STK4: variants seen among roughly 807,000 people sequenced by gnomAD.
The protein encoded by STK4 is serine/threonine-protein kinase 4.
In STK4, 30 loss-of-function variants were observed where a neutral mutation model predicts 64.9. The ratio of observed to expected loss-of-function variants is 0.46; its 90% CI spans 0.35 to 0.63. The LOEUF is 0.63. Among genes scored for constraint, STK4 ranks in the 20% least tolerant of loss-of-function variants. The pLI, the probability that STK4 is intolerant of heterozygous loss-of-function variation, is 0.01. For synonymous variants in STK4, 177 were observed against 199.0 expected (o/e 0.89, Z 0.93); for missense variants, 466 against 598.5 (o/e 0.78, Z 2.31).
chr20:45,019,046 G>A (rs1242122224), intron 9 of STK4, among the ~76,000 whole-genome samples: 1 of 152,092 alleles, frequency 6.6e-6, no homozygotes, highest in East Asian at 1.9e-4. Flanking sequence ...TTTTTAAATT[G>A]AGATATAATT....
Position 44,997,018 on chromosome 20 carries a change from G to A in STK4, c.694-151G>A, listed in dbSNP as rs1215206092. On this transcript the variant is annotated intron_variant, in intron 6 of 10. Transcript: ENST00000372806. Reference sequence around the variant, plus strand: ...ATATCAGGTTCTTTAACCATCAGATGCTTAGACTTTTGTTGGAATTTGGGT... The same window carrying A: ...ATATCAGGTTCTTTAACCATCAGATACTTAGACTTTTGTTGGAATTTGGGT... The A allele has an allele frequency of 3.9e-6, 4 of 1,033,040 alleles. No homozygotes were observed. The African/African-American group carries it at 6.5e-5, about 17-fold the overall frequency. 64.0% of individuals were successfully genotyped at this position (1,033,040 alleles called of 1,614,324 possible).
At chr20:45,007,380 A>G (rs1035127059) in intron 9 of STK4, among the ~76,000 whole-genome samples, 2 of 152,066 alleles carry the variant, frequency 1.3e-5, no homozygotes, top group Non-Finnish European at 2.9e-5. Flanking sequence ...GTGAAACCCC[A>G]TCTTAAGAAT....
chr20:45,013,647 G>T (rs2068091737), intron 9 of STK4, among the ~76,000 whole-genome samples: 1 of 152,066 alleles, frequency 6.6e-6, no homozygotes. Flanking sequence ...TTGAGACATT[G>T]TGGCCTAACA....
chr20:45,033,738 C>T (rs938080275), intron 10 of STK4, among the ~76,000 whole-genome samples: 1 of 152,110 alleles, frequency 6.6e-6, no homozygotes, highest in African/African-American at 2.4e-5. Context: ...TGCTACTCTA[C>T]CTGGCTAATT....
intron 10 of STK4, among the ~76,000 whole-genome samples, chr20:45,031,024 A>G (rs1225119521): frequency 6.6e-6 from 1 of 152,026 alleles, no homozygotes; most frequent in Non-Finnish European, 1.5e-5. Flanking sequence ...GTGAGACCCC[A>G]TCTCTATTAC....
chr20:44,979,090 C>T (rs1212173600), intron 3 of STK4, among the ~76,000 whole-genome samples: 1 of 152,114 alleles, frequency 6.6e-6, no homozygotes, highest in African/African-American at 2.4e-5. Flanking sequence ...AGGAGTGAGC[C>T]ACCATACCTG....
chr20:45,046,931 C>T (rs570734395), intron 10 of STK4, among the ~76,000 whole-genome samples: 7 of 152,228 alleles, frequency 4.6e-5, no homozygotes, highest in Admixed American at 3.9e-4. Context: ...CTGCCCGCCT[C>T]GGCCTCCCAA....
chr20:44,988,521 ATATGTGTGTGTG>A (rs1175602460), intron 5 of STK4, among the ~76,000 whole-genome samples: 1 of 83,144 alleles, frequency 1.2e-5, no homozygotes, highest in Admixed American at 1.2e-4. Context: ...GTGTGTATAT[ATATGTGTGTGTG>A]TATATATATA....
At chr20:45,072,423 C>A (rs1980148562) in intron 10 of STK4, among the ~76,000 whole-genome samples, 1 of 152,202 alleles carries the variant, frequency 6.6e-6, no homozygotes, top group South Asian at 2.1e-4. Context: ...AGCTCCCCTT[C>A]TTTCACACTA....
chr20:45,032,634 G>A (rs1054535196), intron 10 of STK4, among the ~76,000 whole-genome samples: 14 of 152,178 alleles, frequency 9.2e-5, no homozygotes, highest in Admixed American at 3.9e-4. Flanking sequence ...AGTATACCAT[G>A]TCAACATGTA....
rs1245653094 is a variant in STK4 at position 45,043,086 on chromosome 20, A to G, written c.1305+17956A>G. Among the ~76,000 whole-genome samples, 3 of 151,980 alleles carry G rather than the reference A, an allele frequency of 2.0e-5. No homozygotes were observed. In the East Asian group the frequency reaches 5.8e-4, roughly 29 times the overall value. On this transcript the variant is annotated intron_variant, in intron 10 of 10. Transcript: ENST00000372806. ...TGTTCTTATCATTCAGCTCCCACTT[A>G]TAAGTGAGAACATGCAGCATTTTTT... is the stretch of plus-strand genomic sequence containing the variant.
Position 45,024,955 on chromosome 20 carries a change from A to AT in STK4, c.1148-13dup. The stretch of plus-strand genomic sequence containing the variant: ...TTTAGAATGTTTCTTTTCATTTTTC[A>AT]TTTTTCTTTGTTTTCAGGAAGGGAT... On this transcript the variant is annotated splice_polypyrimidine_tract_variant and intron_variant, in intron 9 of 10. Coordinates refer to ENST00000372806, the MANE Select transcript of STK4 (RefSeq NM_006282.5). 6.5e-7 allele frequency: 1 copy of AT among 1,539,476 alleles called. No individual in the cohort carries two copies. Among genetic ancestry groups the AT allele is most frequent in the African/African-American group, 1.4e-5 (1 of 71,454 alleles).
At chr20:45,052,568 G>A (rs574641845) in intron 10 of STK4, among the ~76,000 whole-genome samples, 11 of 152,222 alleles carry the variant, frequency 7.2e-5, no homozygotes, top group East Asian at 1.9e-4. Flanking sequence ...TTTTCAGGTC[G>A]TTCTAATATA....
chr20:44,973,939 A>G (rs151124934), intron 2 of STK4, among the ~76,000 whole-genome samples: 2 of 152,358 alleles, frequency 1.3e-5, no homozygotes, highest in African/African-American at 4.8e-5. Context: ...AAGTATTTTT[A>G]GGTGTTGTTA....
intron 2 of STK4, among the ~76,000 whole-genome samples, chr20:44,973,765 G>GATA (rs2067292345): frequency 6.6e-6 from 1 of 152,176 alleles, no homozygotes; most frequent in African/African-American, 2.4e-5. Flanking sequence ...GTAAAGTTGG[G>GATA]ATAATAATAT....
Position 44,987,268 on chromosome 20 carries a change from C to G in STK4, c.497C>G (p.Ala166Gly). Residue 166 changes from alanine (A) to glycine (G), a missense_variant, in exon 5 of 11, where the codon GCA becomes GGA. Physicochemically the swap from Ala to Gly is moderately conservative, Grantham distance 60 (BLOSUM62 0). Around this residue, in one of 2 missense-constraint regions of STK4, gnomAD observed 190 missense variants for 289.7 expected, o/e 0.66. Coordinates refer to ENST00000372806, the MANE Select transcript of STK4 (RefSeq NM_006282.5). ...LLNTEGHAKL[A>G]DFGVAGQLTD... is the part of the protein sequence containing the mutation. Reference sequence around the variant, plus strand: ...AATACAGAAGGACATGCAAAACTTGCAGATTTTGGGGTAGCAGGTCAACTT... The same window carrying G: ...AATACAGAAGGACATGCAAAACTTGGAGATTTTGGGGTAGCAGGTCAACTT... 1 of 1,608,774 alleles carries G rather than the reference C, an allele frequency of 6.2e-7. No homozygotes were observed. Among genetic ancestry groups the G allele is most frequent in the Non-Finnish European group, 8.5e-7 (1 of 1,178,406 alleles).
intron 10 of STK4, among the ~76,000 whole-genome samples, chr20:45,054,096 C>T (rs2070238074): frequency 6.6e-6 from 1 of 152,088 alleles, no homozygotes; most frequent in Non-Finnish European, 1.5e-5. Context: ...GGAAAATTTG[C>T]CAGTTCATTG....
intron 2 of STK4, chr20:44,972,477 T>C (rs2145631820): frequency 5.2e-6 from 1 of 192,310 alleles, no homozygotes; most frequent in Admixed American, 6.1e-5. Flanking sequence ...TTCTGATTGG[T>C]ATGCAATAAC....
intron 2 of STK4, chr20:44,972,554 A>G (rs1238721216): frequency 6.4e-6 from 1 of 156,642 alleles, no homozygotes; most frequent in East Asian, 1.9e-4. Context: ...ATAGTAAATA[A>G]ATTAAGCACT....
Sources: gnomAD v4.1 joint callset for allele counts (sites outside exome capture counted in the v4.1 genomes callset) on GRCh38, gnomAD v4.1.1 for gene constraint, gnomAD v4.1.1 regional missense constraint, MANE v1.5 for transcripts, NCBI Gene and HGNC (gene_info 2026-07-23, HGNC 2026-07-21) for gene names.